TBPL1: variants seen among roughly 807,000 people sequenced by gnomAD.
TBPL1 encodes TATA box-binding protein-like 1.
TBPL1 carries 4 observed loss-of-function variants against 22.1 expected under a neutral mutation model. That is an observed-to-expected ratio of 0.18 (90% confidence interval 0.09 to 0.41). The LOEUF is 0.41. Ranked by LOEUF, TBPL1 falls within the 10% of genes least tolerant of loss-of-function variation. The pLI is 1.00. For synonymous variants in TBPL1, 64 were observed against 71.0 expected, an observed-to-expected ratio of 0.90 and a Z score of 0.50; for missense variants, 115 against 222.3, an observed-to-expected ratio of 0.52 and a Z score of 3.07.
intron 1 of TBPL1, among the ~76,000 whole-genome samples, chr6:133,957,329 C>T (rs369635191): frequency 1.3e-5 from 2 of 152,142 alleles, no homozygotes; most frequent in Non-Finnish European, 2.9e-5. Flanking sequence ...GAAAACCAGA[C>T]GGTGTGTTAA....
chr6:133,978,454 C>T (rs1776352512), intron 1 of TBPL1, among the ~76,000 whole-genome samples: 1 of 152,140 alleles, frequency 6.6e-6, no homozygotes, highest in African/African-American at 2.4e-5. Context: ...TCAGACATTG[C>T]ACGTGCTTAA....
chr6:133,957,473 C>T (rs1775947100), intron 1 of TBPL1, among the ~76,000 whole-genome samples: 1 of 152,186 alleles, frequency 6.6e-6, no homozygotes, highest in African/African-American at 2.4e-5. Context: ...GAACTTAAGT[C>T]TTACTTAAAA....
At chr6:133,986,301 T>G (rs1426901665) in intron 6 of TBPL1, among the ~76,000 whole-genome samples, 3 of 152,214 alleles carry the variant, frequency 2.0e-5, no homozygotes, top group Non-Finnish European at 1.5e-5. Flanking sequence ...TAGTTTTCAT[T>G]GTCCTTTTTT....
At chr6:133,981,181 C>G (rs1231747766) in intron 2 of TBPL1, among the ~76,000 whole-genome samples, 2 of 152,032 alleles carry the variant, frequency 1.3e-5, no homozygotes, top group Admixed American at 1.3e-4. Flanking sequence ...CCGTGTTGGC[C>G]AGGATGGTCT....
intron 6 of TBPL1, among the ~76,000 whole-genome samples, chr6:133,985,301 T>A (rs1349757205): frequency 0.13 from 2,795 of 21,460 alleles, 660 homozygotes; most frequent in African/African-American, 0.22. Context: ...AAAAAAAATA[T>A]ATATATATAT....
chr6:133,974,303 G>A (rs1025175778), intron 1 of TBPL1, among the ~76,000 whole-genome samples: 1 of 151,972 alleles, frequency 6.6e-6, no homozygotes, highest in South Asian at 2.1e-4. Flanking sequence ...AAATAAAATT[G>A]CCATATATCA....
At chr6:133,971,269 T>A (rs1776216593) in intron 1 of TBPL1, among the ~76,000 whole-genome samples, 1 of 152,196 alleles carries the variant, frequency 6.6e-6, no homozygotes, top group Admixed American at 6.5e-5. Flanking sequence ...TGACAAGATT[T>A]CTTACAGCTG....
At chr6:133,955,630 A>G (rs912004954) in intron 1 of TBPL1, among the ~76,000 whole-genome samples, 1 of 152,224 alleles carries the variant, frequency 6.6e-6, no homozygotes, top group Non-Finnish European at 1.5e-5. Context: ...AAGAGCTTCT[A>G]TTAAAATAAG....
At chr6:133,985,886 C>G (rs1402288432) in intron 6 of TBPL1, 1 of 152,106 alleles carries the variant, frequency 6.6e-6, no homozygotes, top group Non-Finnish European at 1.5e-5. Flanking sequence ...TCTTTCAGCT[C>G]TCTGTTTCTA....
rs1297544242 is a variant in TBPL1 at position 133,987,238 on chromosome 6, A to G, written c.*198A>G. 1 of 392,812 alleles carries G rather than the reference A, an allele frequency of 2.5e-6. No homozygotes were observed. Among genetic ancestry groups the G allele is most frequent in the Non-Finnish European group, 4.5e-6 (1 of 219,788 alleles). The allele number at this position is 392,812 out of a possible 1,614,324, so 24.3% of individuals were successfully genotyped here. A position where few individuals can be genotyped will look rare whatever the true frequency, so the allele number is the denominator to read the frequency against. On this transcript the variant is annotated 3_prime_UTR_variant, in exon 7 of 7. Transcript: ENST00000237264. ...TATAAAAGGAAGTTTACAAGACATG[A>G]TATTGCTGCTTTTACAAAAGGACAT... is the stretch of plus-strand genomic sequence containing the variant.
At chr6:133,975,193 A>T (rs1776292715) in intron 1 of TBPL1, among the ~76,000 whole-genome samples, 2 of 152,200 alleles carry the variant, frequency 1.3e-5, no homozygotes, top group Admixed American at 1.3e-4. Context: ...CGAGAGCAAT[A>T]AAAAGCAGGA....
intron 1 of TBPL1, among the ~76,000 whole-genome samples, chr6:133,972,669 A>G (rs1776244656): frequency 7.4e-6 from 1 of 135,966 alleles, no homozygotes; most frequent in South Asian, 2.2e-4. Context: ...CTAACCTATT[A>G]TGATCTTGGT....
In TBPL1 at chr6:133,987,648, G is replaced by GTGTGTATA. The variant is rs200249148; in HGVS notation, c.*609_*610insGTGTATAT. The GTGTGTATA allele has an allele frequency of 1.2e-4, 11 of 88,398 alleles. No individual in the cohort carries two copies. Among genetic ancestry groups the GTGTGTATA allele is most frequent in the South Asian group, 1.2e-3 (4 of 3,238 alleles). The allele number at this position is 88,398 out of a possible 1,614,324, so 5.5% of individuals were successfully genotyped here. On this transcript the variant is annotated 3_prime_UTR_variant, in exon 7 of 7. Coordinates refer to ENST00000237264, the MANE Select transcript of TBPL1 (RefSeq NM_004865.4). ...TTTGTGTGTGTGTGTGTGTGTGTGT[G>GTGTGTATA]TATATATATATATATATATGCACCA... is the stretch of plus-strand genomic sequence containing the variant.
intron 1 of TBPL1, among the ~76,000 whole-genome samples, chr6:133,978,878 G>A (rs1297077167): frequency 6.6e-6 from 1 of 152,084 alleles, no homozygotes; most frequent in Non-Finnish European, 1.5e-5. Context: ...TTTTTACATT[G>A]TGGCTGCAAG....
chr6:133,961,201 A>G (rs568941633), intron 1 of TBPL1, among the ~76,000 whole-genome samples: 1 of 152,298 alleles, frequency 6.6e-6, no homozygotes, highest in Admixed American at 6.5e-5. Context: ...CCATTTTCTC[A>G]GTTGTTCTTA....
intron 1 of TBPL1, among the ~76,000 whole-genome samples, chr6:133,955,839 A>C (rs1295087944): frequency 1.3e-5 from 2 of 152,216 alleles, no homozygotes; most frequent in African/African-American, 4.8e-5. Context: ...TATTCTGCCA[A>C]ATTTGAGGGA....
chr6:133,952,655 T>G (rs566955159), upstream of TBPL1: 2 of 152,146 alleles, frequency 1.3e-5, no homozygotes, highest in East Asian at 3.9e-4. This position sits in a 1 kb window ranked among gnomAD's most constrained non-coding sequence, Gnocchi z 4.5. Flanking sequence ...TATCGCGACA[T>G]CATAAATTAA....
Position 133,986,965 on chromosome 6 carries a change from C to G in TBPL1, c.486C>G (p.Pro162=). ...FSTGSITVTG[P]NVKAVATAVE... Reference sequence around the variant, plus strand: ...CCTCCATTGTGTTTATTACAGGGCCCAATGTAAAGGCTGTTGCTACTGCTG... The same window carrying G: ...CCTCCATTGTGTTTATTACAGGGCCGAATGTAAAGGCTGTTGCTACTGCTG... Residue 162 remains proline (P), a synonymous_variant, in exon 7 of 7, where the codon CCC becomes CCG. Transcript: ENST00000237264. 1 of 1,606,812 alleles carries G rather than the reference C, an allele frequency of 6.2e-7. No homozygotes were observed. The highest frequency in any genetic ancestry group is 1.1e-5 in the South Asian group (1 of 89,884).
rs1776549117 is a variant in TBPL1, at chr6:133,987,507, A to G, written c.*467A>G. On this transcript the variant is annotated 3_prime_UTR_variant, in exon 7 of 7. Coordinates refer to ENST00000237264, the MANE Select transcript of TBPL1 (RefSeq NM_004865.4). ...TGGAAAAGATCTCTCTTCATTCTAT[A>G]ACTTTTATTCCCCATTTTCTATTTT... 1 of 152,464 alleles carries G rather than the reference A, an allele frequency of 6.6e-6. No individual in the cohort carries two copies. Among genetic ancestry groups the G allele is most frequent in the African/African-American group, 2.4e-5 (1 of 41,420 alleles). The allele number at this position is 152,464 out of a possible 1,614,324, so 9.4% of individuals were successfully genotyped here.
Sources: gnomAD v4.1 joint callset for allele counts (sites outside exome capture counted in the v4.1 genomes callset) on GRCh38, gnomAD v4.1.1 for gene constraint, Gnocchi (gnomAD v3.1) non-coding constraint, MANE v1.5 for transcripts, NCBI Gene and HGNC (gene_info 2026-07-23, HGNC 2026-07-21) for gene names.